CC2D2B: variants seen among roughly 807,000 people sequenced by gnomAD.
The protein encoded by CC2D2B is coiled-coil and C2 domain containing 2B.
A neutral mutation model predicts 161.2 loss-of-function variants in CC2D2B; 128 were observed. The observed-to-expected ratio is 0.79, with a 90% CI of 0.69 to 0.92. The LOEUF (loss-of-function observed/expected upper bound fraction) is 0.92, where lower values mean the gene tolerates loss of function less well. Among genes scored for constraint, CC2D2B ranks in the 40% least tolerant of loss-of-function variants. CC2D2B has a pLI of 0.00. For missense variants in CC2D2B, 1,173 were observed against 1,375.1 expected (o/e 0.85, Z 2.32); for synonymous variants, 391 against 449.8 (o/e 0.87, Z 1.65).
intron 28 of CC2D2B, among the ~76,000 whole-genome samples, chr10:96,013,525 A>C (rs2079077017): frequency 6.6e-6 from 1 of 151,462 alleles, no homozygotes; most frequent in Non-Finnish European, 1.5e-5. Context: ...AATATAAATA[A>C]AATATAATGG....
intron 2 of CC2D2B, among the ~76,000 whole-genome samples, chr10:95,912,064 T>C (rs1275785828): frequency 1.3e-5 from 2 of 152,184 alleles, no homozygotes; most frequent in African/African-American, 2.4e-5. Context: ...GCTCTTTTTA[T>C]GATATTTTAA....
At chr10:95,926,848 CTGTGTGTGTGTGTG>C (rs1209292988) in intron 5 of CC2D2B, among the ~76,000 whole-genome samples, 1 of 106,902 alleles carries the variant, frequency 9.4e-6, no homozygotes, top group Non-Finnish European at 1.9e-5. Context: ...GTGTGTGTGT[CTGTGTGTGTGTGTG>C]TGTGTGTGTG....
At chr10:95,956,804 T>G (rs916550869) in intron 11 of CC2D2B, among the ~76,000 whole-genome samples, 10 of 152,222 alleles carry the variant, frequency 6.6e-5, no homozygotes, top group African/African-American at 2.4e-4. Context: ...TTCTAGATTA[T>G]TTATAATACC....
chr10:96,018,193 T>C (rs2079288966), intron 30 of CC2D2B, among the ~76,000 whole-genome samples: 2 of 152,206 alleles, frequency 1.3e-5, no homozygotes, highest in African/African-American at 2.4e-5. Context: ...ACTCAATAAA[T>C]TAAATAGTCT....
intron 22 of CC2D2B, among the ~76,000 whole-genome samples, chr10:95,994,992 C>T (rs911443459): frequency 2.6e-5 from 4 of 152,176 alleles, no homozygotes; most frequent in Admixed American, 2.6e-4. Context: ...TCGTGAATAA[C>T]TTGCCTTTTC....
intron 29 of CC2D2B, among the ~76,000 whole-genome samples, chr10:96,014,454 C>T (rs1032130385): frequency 1.3e-5 from 2 of 152,142 alleles, no homozygotes; most frequent in African/African-American, 4.8e-5. Context: ...AGTATTTCTT[C>T]CATTTCAGCT....
chr10:95,912,696 T>C (rs1024688200), intron 2 of CC2D2B, among the ~76,000 whole-genome samples: 1 of 152,202 alleles, frequency 6.6e-6, no homozygotes, highest in Non-Finnish European at 1.5e-5. Context: ...CATATATGTC[T>C]GATCTCACTT....
chr10:95,951,752 GTATA>G (rs910949710), intron 10 of CC2D2B, among the ~76,000 whole-genome samples: 1 of 152,184 alleles, frequency 6.6e-6, no homozygotes, highest in Non-Finnish European at 1.5e-5. Context: ...ATCTATTAAA[GTATA>G]TATAGACTCT....
intron 32 of CC2D2B, 67 bp downstream of exon 32, chr10:96,019,891 G>T: frequency 7.2e-7 from 1 of 1,382,510 alleles, no homozygotes; most frequent in South Asian, 1.4e-5. Context: ...TACTAATTGT[G>T]ACAGCTCTTA....
intron 9 of CC2D2B, among the ~76,000 whole-genome samples, chr10:95,939,476 G>A (rs2141274957): frequency 7.4e-6 from 1 of 135,716 alleles, no homozygotes; most frequent in South Asian, 2.3e-4. Context: ...AACTGTGTGT[G>A]TATGCATTTT....
chr10:95,992,026 C>T (rs117182960), intron 21 of CC2D2B, among the ~76,000 whole-genome samples: 4,992 of 152,238 alleles, frequency 0.033, 119 homozygotes, highest in Middle Eastern at 0.075. Context: ...GTAAGGTTTT[C>T]AACGGGTTTA....
intron 6 of CC2D2B, among the ~76,000 whole-genome samples, chr10:95,930,329 T>C (rs1418673559): frequency 6.6e-6 from 1 of 152,248 alleles, no homozygotes; most frequent in Non-Finnish European, 1.5e-5. Flanking sequence ...TATGCAATCA[T>C]GTCATCTGCA....
chr10:95,983,817 G>A lies in CC2D2B; in HGVS notation c.2286+8G>A, dbSNP rs887940659. On this transcript the variant is annotated splice_region_variant and intron_variant, in intron 19 of 34. Coordinates refer to ENST00000646931, the MANE Select transcript of CC2D2B (RefSeq NM_001349008.3). ...CCAGATTTAGTCTTCCAGGTATTTG[G>A]TTTCTATTTGAATATGGCTTATTGT... The A allele has an allele frequency of 9.3e-6, 11 of 1,178,110 alleles. No homozygotes were observed. Among genetic ancestry groups the A allele is most frequent in the Admixed American group, 4.2e-5 (1 of 23,636 alleles). 73.0% of individuals were successfully genotyped at this position (1,178,110 alleles called of 1,614,324 possible).
intron 30 of CC2D2B, 41 bp downstream of exon 30, chr10:96,016,355 G>T: frequency 1.5e-6 from 2 of 1,325,096 alleles, no homozygotes; most frequent in South Asian, 1.2e-5. Context: ...TAAGCAAAAG[G>T]AAATCAGATT....
intron 29 of CC2D2B, 127 bp downstream of exon 29, chr10:96,014,004 T>G (rs936483955): frequency 1.8e-5 from 7 of 381,540 alleles, no homozygotes; most frequent in Admixed American, 1.8e-4. Context: ...GATAATTTTA[T>G]ACATCATCTT....
intron 27 of CC2D2B, 51 bp from the exon 28 acceptor site, chr10:96,012,481 C>T (rs1285227000): frequency 2.3e-6 from 3 of 1,318,964 alleles, no homozygotes; most frequent in Non-Finnish European, 3.2e-6. Context: ...TTGATATTTT[C>T]TTGTGAGAAC....
At chr10:95,981,843 T>TCC in intron 17 of CC2D2B, 132 bp from the exon 18 acceptor site, 1 of 441,024 alleles carries the variant, frequency 2.3e-6, no homozygotes. Flanking sequence ...TATCCATAAA[T>TCC]ACAGAGGATG....
Position 95,968,744 on chromosome 10 carries a change from C to T in CC2D2B, c.1487C>T (p.Ala496Val). The T allele has an allele frequency of 8.2e-7, 1 of 1,212,276 alleles. No homozygotes were observed. The highest frequency in any genetic ancestry group is 1.0e-6 in the Non-Finnish European group (1 of 970,256). The allele number at this position is 1,212,276 out of a possible 1,614,324, so 75.1% of individuals were successfully genotyped here. A position where few individuals can be genotyped will look rare whatever the true frequency, so the allele number is the denominator to read the frequency against. Residue 496 changes from alanine to valine, a missense_variant, in exon 15 of 35, where the codon GCC becomes GTC. Physicochemically the swap from Ala to Val is moderately conservative, Grantham distance 64. This residue lies in a region of CC2D2B where 277 missense variants were observed against 420.6 expected (regional missense o/e 0.66). Transcript: ENST00000646931. The stretch of plus-strand genomic sequence containing the variant: ...TTTAGGCATGAACAAAAAAGAAGAG[C>T]CAAAATTCAGAAGCTCAAATACTTT... ...KCSLHEQKRR[A>V]KIQKLKYFIK...
At chr10:95,976,640 G>A (rs929168509) in intron 17 of CC2D2B, among the ~76,000 whole-genome samples, 1 of 152,192 alleles carries the variant, frequency 6.6e-6, no homozygotes, top group East Asian at 1.9e-4. Flanking sequence ...TGAAGCCAAA[G>A]GAGAACTGAA....
Sources: gnomAD v4.1 joint callset for allele counts (sites outside exome capture counted in the v4.1 genomes callset) on GRCh38, gnomAD v4.1.1 for gene constraint, gnomAD v4.1.1 regional missense constraint, MANE v1.5 for transcripts, NCBI Gene and HGNC (gene_info 2026-07-23, HGNC 2026-07-21) for gene names.